Variants in NKAIN2 observed in about 807,000 individuals in gnomAD.
NKAIN2 encodes sodium/potassium-transporting ATPase subunit beta-1-interacting protein 2.
NKAIN2 carries 14 observed loss-of-function variants against 32.6 expected under a neutral mutation model. The ratio of observed to expected loss-of-function variants is 0.43; its 90% CI spans 0.28 to 0.67. NKAIN2 has a LOEUF of 0.67. Among genes scored for constraint, NKAIN2 ranks in the 30% least tolerant of loss-of-function variants. NKAIN2 has a pLI of 0.17. For missense variants in NKAIN2, 198 were observed against 258.3 expected (o/e 0.77, Z 1.60); for synonymous variants, 80 against 87.2 (o/e 0.92, Z 0.46).
intron 3 of NKAIN2, among the ~76,000 whole-genome samples, chr6:124,642,765 G>A (rs1443737863): frequency 6.6e-6 from 1 of 152,100 alleles, no homozygotes; most frequent in African/African-American, 2.4e-5. Flanking sequence ...ATACTTCCCA[G>A]GGTATGTTTT....
intron 1 of NKAIN2, among the ~76,000 whole-genome samples, chr6:123,883,618 A>G (rs1773562557): frequency 6.6e-6 from 1 of 151,220 alleles, no homozygotes; most frequent in Non-Finnish European, 1.5e-5. Flanking sequence ...CTTCAGAACC[A>G]CTAGCCAATT....
intron 1 of NKAIN2, among the ~76,000 whole-genome samples, chr6:124,160,842 A>G (rs1224979462): frequency 6.6e-6 from 1 of 152,148 alleles, no homozygotes; most frequent in Non-Finnish European, 1.5e-5. Context: ...TATGTGTGAG[A>G]TGTCTGCTTT....
chr6:124,389,324 C>T (rs1773043426), intron 3 of NKAIN2, among the ~76,000 whole-genome samples: 1 of 152,092 alleles, frequency 6.6e-6, no homozygotes, highest in Admixed American at 6.6e-5. Context: ...TTAAATAGCT[C>T]CTCCTATCTG....
At chr6:123,865,817 CA>C (rs369039730) in intron 1 of NKAIN2, among the ~76,000 whole-genome samples, 6 of 151,468 alleles carry the variant, frequency 4.0e-5, no homozygotes, top group African/African-American at 1.5e-4. Context: ...ATTGTGAAAA[CA>C]AAAAAATGCA....
At chr6:124,388,222 T>C (rs1772995357) in intron 3 of NKAIN2, among the ~76,000 whole-genome samples, 1 of 152,060 alleles carries the variant, frequency 6.6e-6, no homozygotes. Context: ...TACTATTGGA[T>C]AAAGATCAAT....
At chr6:123,825,121 C>A (rs545795439) in intron 1 of NKAIN2, among the ~76,000 whole-genome samples, 193 of 152,216 alleles carry the variant, frequency 1.3e-3, no homozygotes, top group Non-Finnish European at 2.0e-3. Flanking sequence ...AAGAGGCCAA[C>A]AAGCTCCCCT....
At chr6:124,755,749 T>A (rs1041247260) in intron 4 of NKAIN2, among the ~76,000 whole-genome samples, 20 of 151,846 alleles carry the variant, frequency 1.3e-4, no homozygotes, top group African/African-American at 4.1e-4. Context: ...ACAGAAAAAA[T>A]AACTAATGGG....
intron 3 of NKAIN2, among the ~76,000 whole-genome samples, chr6:124,498,311 C>A (rs77878971): frequency 6.6e-6 from 1 of 151,950 alleles, no homozygotes; most frequent in Admixed American, 6.6e-5. Flanking sequence ...GAGCCCTCAG[C>A]GTACAGAAAT....
At chr6:124,793,969 G>A (rs191579385) in intron 5 of NKAIN2, among the ~76,000 whole-genome samples, 139 of 152,068 alleles carry the variant, frequency 9.1e-4, no homozygotes, top group Middle Eastern at 3.4e-3. Flanking sequence ...GAGAGAGAGT[G>A]GAACCTTTAG....
At chr6:124,044,359 T>A (rs1782023748) in intron 1 of NKAIN2, among the ~76,000 whole-genome samples, 1 of 151,976 alleles carries the variant, frequency 6.6e-6, no homozygotes, top group South Asian at 2.1e-4. Flanking sequence ...CCACAGACTT[T>A]GGGTTGGTGT....
At chr6:124,458,274 TA>T (rs1299830393) in intron 3 of NKAIN2, among the ~76,000 whole-genome samples, 1 of 152,010 alleles carries the variant, frequency 6.6e-6, no homozygotes, top group Non-Finnish European at 1.5e-5. Context: ...AGGTAAAGTA[TA>T]AAATAGCCAA....
intron 2 of NKAIN2, among the ~76,000 whole-genome samples, chr6:124,334,443 G>A (rs1797785829): frequency 6.6e-6 from 1 of 152,132 alleles, no homozygotes; most frequent in African/African-American, 2.4e-5. Flanking sequence ...AAAATTTGGA[G>A]ACTAAGGTTT....
chr6:124,783,506 G>A (rs577892636), intron 4 of NKAIN2, among the ~76,000 whole-genome samples: 3 of 152,286 alleles, frequency 2.0e-5, no homozygotes, highest in East Asian at 3.9e-4. Context: ...CCAGTAGGCT[G>A]TGAACATTCA....
chr6:124,088,544 G>T (rs950368121), intron 1 of NKAIN2, among the ~76,000 whole-genome samples: 1 of 151,984 alleles, frequency 6.6e-6, no homozygotes, highest in East Asian at 1.9e-4. Flanking sequence ...GTTTTTCATT[G>T]TTCCTAAAAG....
At chr6:123,957,589 T>A (rs912110067) in intron 1 of NKAIN2, among the ~76,000 whole-genome samples, 3 of 152,194 alleles carry the variant, frequency 2.0e-5, no homozygotes, top group African/African-American at 7.2e-5. Context: ...ATTTTCAAGG[T>A]TCTTCAACTC....
chr6:124,138,787 G>A (rs1290979357), intron 1 of NKAIN2, among the ~76,000 whole-genome samples: 4 of 149,034 alleles, frequency 2.7e-5, no homozygotes, highest in Non-Finnish European at 4.4e-5. Context: ...GCAGCAACTT[G>A]GATGGAGTTA....
chr6:124,693,392 C>T (rs1289283493), intron 4 of NKAIN2, among the ~76,000 whole-genome samples: 1 of 152,140 alleles, frequency 6.6e-6, no homozygotes, highest in Non-Finnish European at 1.5e-5. Context: ...TGTATAAGTA[C>T]ACTCTGTGAT....
At chr6:123,830,309 G>A (rs906976611) in intron 1 of NKAIN2, among the ~76,000 whole-genome samples, 12 of 152,014 alleles carry the variant, frequency 7.9e-5, no homozygotes, top group South Asian at 2.1e-4. Flanking sequence ...AGATCTAATC[G>A]CATTATTTCC....
At chr6:124,028,883 ATG>A (rs1161400384) in intron 1 of NKAIN2, among the ~76,000 whole-genome samples, 1 of 26,942 alleles carries the variant, frequency 3.7e-5, no homozygotes, top group Admixed American at 4.0e-4. Context: ...ATGTATATAT[ATG>A]TGTATATATA....
Sources: gnomAD v4.1 joint callset for allele counts (sites outside exome capture counted in the v4.1 genomes callset) on GRCh38, gnomAD v4.1.1 for gene constraint, MANE v1.5 for transcripts, NCBI Gene and HGNC (gene_info 2026-07-23, HGNC 2026-07-21) for gene names.